The following FMNL3 variants were observed in gnomAD, a reference collection of about 807,000 sequenced individuals.
FMNL3 encodes the protein formin-like protein 3.
Under a neutral mutation model 119.6 loss-of-function variants are expected in FMNL3, and 57 were observed. That is an observed-to-expected ratio of 0.48 (90% CI 0.39 to 0.59). The LOEUF (loss-of-function observed/expected upper bound fraction) is 0.59. Among genes scored for constraint, FMNL3 ranks in the 20% least tolerant of loss-of-function variants. The probability of loss-of-function intolerance (pLI) is 0.00; values close to 1 mark genes in which losing one functional copy is unlikely to be tolerated. For missense variants in FMNL3, 1,053 were observed against 1,323.5 expected (o/e 0.80, Z 3.17); for synonymous variants, 491 against 507.3 (o/e 0.97, Z 0.43).
rs1321415872 is a variant in FMNL3, at chr12:49,644,095, A to G, written c.*1720T>C. ...TAAGGGTGAACTGTGCCTTTGCTCCAACAGACAGGCTGGGACACGTCAGAA... is the reference window on the plus strand; with the variant it reads ...TAAGGGTGAACTGTGCCTTTGCTCCGACAGACAGGCTGGGACACGTCAGAA... On this transcript the variant is annotated 3_prime_UTR_variant, in exon 26 of 26. Coordinates refer to ENST00000335154, the MANE Select transcript of FMNL3 (RefSeq NM_175736.5). 1 of 1,614,186 alleles carries G rather than the reference A, an allele frequency of 6.2e-7. No individual in the cohort carries two copies. The highest frequency in any genetic ancestry group is 8.5e-7 in the Non-Finnish European group (1 of 1,180,026).
chr12:49,707,071 C>T lies in FMNL3; in HGVS notation c.110G>A (p.Arg37Lys). 2 of 1,589,124 alleles carry T rather than the reference C, an allele frequency of 1.3e-6. No homozygotes were observed. Among genetic ancestry groups the T allele is most frequent in the Non-Finnish European group, 1.7e-6 (2 of 1,169,216 alleles). ...AGCTCTCACCAGCACCAGGGCGAAC[C>T]TTTCCTCCAGCTCACAGGGCTCAGG... is the stretch of plus-strand genomic sequence containing the variant. ...PMPEPCELEE[R>K]FALVLSSMNL... The change falls in exon 1 of 26, where the codon AGG (arginine) becomes AAG (lysine). Residue 37 changes from arginine to lysine, a missense_variant. This residue lies in a region of FMNL3 where 264 missense variants were observed against 265.5 expected (regional missense o/e 0.99). Transcript: ENST00000335154.
intron 1 of FMNL3, among the ~76,000 whole-genome samples, chr12:49,694,613 TATA>T (rs1309713705): frequency 1.3e-5 from 2 of 152,098 alleles, no homozygotes. Context: ...AGATAATTAG[TATA>T]ATAAGTATAT....
chr12:49,668,538 G>A lies in FMNL3; in HGVS notation c.143C>T (p.Pro48Leu). 1.2e-6 allele frequency: 2 copies of A among 1,614,132 alleles called. No individual in the cohort carries two copies. Among genetic ancestry groups the A allele is most frequent in the Non-Finnish European group, 1.7e-6 (2 of 1,180,014 alleles). The change falls in exon 2 of 26, where the codon CCT (proline) becomes CTT (leucine). Residue 48 changes from proline to leucine, a missense_variant. Coordinates refer to ENST00000335154, the MANE Select transcript of FMNL3 (RefSeq NM_175736.5). ...FALVLSSMNL[P>L]PDKARLLRQY... is the part of the protein sequence containing the mutation. ...CCGCAGGAGCCGGGCCTTGTCTGGAGGCAGGTTCATGGAGCTCTGAGGAGA... is the reference window on the plus strand; with the variant it reads ...CCGCAGGAGCCGGGCCTTGTCTGGAAGCAGGTTCATGGAGCTCTGAGGAGA...
intron 1 of FMNL3, among the ~76,000 whole-genome samples, chr12:49,704,587 T>C (rs926695774): frequency 6.6e-6 from 1 of 151,926 alleles, no homozygotes; most frequent in African/African-American, 2.4e-5. Context: ...GGCACGCGCC[T>C]GTAATCCCAG....
Position 49,637,783 on chromosome 12 carries a change from C to T in FMNL3, c.*8032G>A. The stretch of plus-strand genomic sequence containing the variant: ...GTTCTATGTGGAGGAGTTGAAGGCA[C>T]GATTCCATGATGAAAAGAAGATCAT... On this transcript the variant is annotated 3_prime_UTR_variant, in exon 26 of 26. Coordinates refer to ENST00000335154, the MANE Select transcript of FMNL3 (RefSeq NM_175736.5). 2 of 1,612,306 alleles carry T rather than the reference C, an allele frequency of 1.2e-6. No homozygotes were observed. The highest frequency in any genetic ancestry group is 1.7e-4 in the Middle Eastern group (1 of 5,990).
intron 11 of FMNL3, 126 bp downstream of exon 11, chr12:49,654,066 G>C (rs1943492443): frequency 8.6e-7 from 1 of 1,164,190 alleles, no homozygotes; most frequent in South Asian, 1.5e-5. Flanking sequence ...CTGAGTCCCA[G>C]GCTACAGAAG....
intron 25 of FMNL3, 97 bp downstream of exon 25, chr12:49,646,789 C>A (rs1054932900): frequency 8.1e-6 from 13 of 1,604,086 alleles, no homozygotes; most frequent in African/African-American, 1.3e-5. Context: ...GGTCAGGCCT[C>A]ATGGGGGGTG....
chr12:49,665,772 T>C (rs1943873997), intron 4 of FMNL3, 60 bp downstream of exon 4: 2 of 1,544,648 alleles, frequency 1.3e-6, no homozygotes, highest in Non-Finnish European at 1.8e-6. Flanking sequence ...CACCAGACCC[T>C]GTGTGCCCAG....
At chr12:49,701,286 A>T (rs1269600062) in intron 1 of FMNL3, among the ~76,000 whole-genome samples, 1 of 152,112 alleles carries the variant, frequency 6.6e-6, no homozygotes, top group Non-Finnish European at 1.5e-5. Flanking sequence ...CTTTTCAGTA[A>T]GTTCCAAATT....
chr12:49,653,514 C>A (rs1943472936), intron 12 of FMNL3, among the ~76,000 whole-genome samples, 187 bp from the exon 13 acceptor site: 1 of 152,202 alleles, frequency 6.6e-6, no homozygotes, highest in South Asian at 2.1e-4. Flanking sequence ...GTCTCAAGAC[C>A]AATGCCACCT....
At chr12:49,672,562 G>A (rs1378125034) in intron 1 of FMNL3, among the ~76,000 whole-genome samples, 1 of 152,228 alleles carries the variant, frequency 6.6e-6, no homozygotes, top group Non-Finnish European at 1.5e-5. Context: ...GCACAATGGG[G>A]TGCATGTGAG....
In FMNL3 at chr12:49,643,350, C is replaced by G; in HGVS notation, c.*2465G>C. The G allele has an allele frequency of 6.2e-7, 1 of 1,602,062 alleles. No homozygotes were observed. Among genetic ancestry groups the G allele is most frequent in the Non-Finnish European group, 8.5e-7 (1 of 1,174,608 alleles). On this transcript the variant is annotated 3_prime_UTR_variant, in exon 26 of 26. Transcript: ENST00000335154. ...CTTGATTCAGTTGAAAGTGGGGGTG[C>G]TGCCCTTGGAGGACGGGGCTCCCCT...
chr12:49,639,043 CTT>C lies in FMNL3; in HGVS notation c.*6770_*6771del, dbSNP rs1942243978. The C allele has an allele frequency of 6.6e-6, 1 of 152,206 alleles. No homozygotes were observed. Among genetic ancestry groups the C allele is most frequent in the Non-Finnish European group, 1.5e-5 (1 of 68,032 alleles). 9.4% of individuals were successfully genotyped at this position (152,206 alleles called of 1,614,324 possible). A position where few individuals can be genotyped will look rare whatever the true frequency, so the allele number is the denominator to read the frequency against. On this transcript the variant is annotated 3_prime_UTR_variant, in exon 26 of 26. Coordinates refer to ENST00000335154, the MANE Select transcript of FMNL3 (RefSeq NM_175736.5). ...ATCATACTGTCCTGAGGTATCCTCT[CTT>C]TCTCTGGAACCACATGCCCCAGCTT...
chr12:49,707,008 G>A lies in FMNL3; in HGVS notation c.126+47C>T, dbSNP rs183284530. Reference sequence around the variant, plus strand: ...CACAAAGTCCCAGCCCGGGCGTCGGGACCTGAGGGGCGGTACGCGGGGGAA... The same window carrying A: ...CACAAAGTCCCAGCCCGGGCGTCGGAACCTGAGGGGCGGTACGCGGGGGAA... On this transcript the variant is annotated intron_variant, in intron 1 of 25. Transcript: ENST00000335154. 4.5e-3 allele frequency: 6,999 copies of A among 1,547,648 alleles called. 27 individuals are homozygous for A. Among genetic ancestry groups the A allele is most frequent in the Non-Finnish European group, 5.6e-3 (6,445 of 1,145,346 alleles).
In FMNL3 at chr12:49,666,158, T is replaced by C. The variant is rs1943885671; in HGVS notation, c.260A>G (p.Gln87Arg). 3.1e-6 allele frequency: 5 copies of C among 1,614,192 alleles called. No homozygotes were observed. The highest frequency in any genetic ancestry group is 4.2e-6 in the Non-Finnish European group (5 of 1,179,994). The part of the protein sequence containing the change: ...NPPHTYIQKL[Q>R]SFLDPSVTRK... ...AGTTACACTGGGGTCCAAGAAGCTC[T>C]GGAGTTTCTGAATGTAAGTGTGGGG... Residue 87 changes from glutamine (Q) to arginine (R), a missense_variant, in exon 3 of 26, where the codon CAG (glutamine) becomes CGG (arginine). By Grantham distance (43) the Gln-to-Arg change is conservative. This residue lies in a region of FMNL3 where 264 missense variants were observed against 265.5 expected (regional missense o/e 0.99). Coordinates refer to ENST00000335154, the MANE Select transcript of FMNL3 (RefSeq NM_175736.5).
intron 21 of FMNL3, 148 bp downstream of exon 21, chr12:49,648,881 A>G: frequency 7.9e-7 from 1 of 1,271,936 alleles, no homozygotes; most frequent in Non-Finnish European, 1.0e-6. Context: ...CCCCTGCTTA[A>G]GGCTCCAGCG....
At chr12:49,651,127 T>C in intron 16 of FMNL3, 41 bp downstream of exon 16, 1 of 1,599,428 alleles carries the variant, frequency 6.3e-7, no homozygotes, top group Admixed American at 1.7e-5. Context: ...ACCAGGTCCC[T>C]AGCCCTCAAC....
rs1055951403 is a variant in FMNL3, at chr12:49,653,135, G to A, written c.1323+91C>T. 66 of 1,168,394 alleles carry A rather than the reference G, an allele frequency of 5.6e-5. No homozygotes were observed. In the Middle Eastern group the frequency reaches 9.6e-4, roughly 17 times the overall value. 72.4% of individuals were successfully genotyped at this position (1,168,394 alleles called of 1,614,324 possible). On this transcript the variant is annotated intron_variant, in intron 13 of 25. Coordinates refer to ENST00000335154, the MANE Select transcript of FMNL3 (RefSeq NM_175736.5). ...GGTGAATCAAGATCTAAATCCTAGA[G>A]AACTTGATATGACTCAGGGAAAAAA...
At position 49,647,705 on chromosome 12, in the gene FMNL3, T is replaced by C. The variant is rs1322953085; in HGVS notation, c.2776A>G (p.Lys926Glu). ...TTAAAAAGCTCTCTGCAGCTTACCT[T>C]GTAAGAACGAATGAATCGGACAAAT... ...PVFVRFIRSY[K>E]EAEQENEARK... Residue 926 changes from lysine to glutamate, a missense_variant and splice_region_variant, in exon 23 of 26, where the codon AAG becomes GAG. Coordinates refer to ENST00000335154, the MANE Select transcript of FMNL3 (RefSeq NM_175736.5). This position sits in a 1 kb window ranked among gnomAD's most constrained non-coding sequence, Gnocchi z 4.9. 1.9e-6 allele frequency: 3 copies of C among 1,613,704 alleles called. No individual in the cohort carries two copies. Among genetic ancestry groups the C allele is most frequent in the Non-Finnish European group, 2.5e-6 (3 of 1,179,608 alleles).
Sources: allele counts gnomAD v4.1 joint callset (sites outside exome capture counted in the v4.1 genomes callset), GRCh38; gene constraint gnomAD v4.1.1; regional missense constraint gnomAD v4.1.1; non-coding constraint Gnocchi (gnomAD v3.1); transcripts MANE v1.5; gene names NCBI Gene and HGNC (gene_info 2026-07-23, HGNC 2026-07-21).